Variants in TGFB2 observed in about 807,000 individuals in gnomAD.
The protein encoded by TGFB2 is transforming growth factor beta-2 proprotein.
Under a neutral mutation model 42.7 loss-of-function variants are expected in TGFB2, and 13 were observed. The ratio of observed to expected loss-of-function variants is 0.30; its 90% CI spans 0.20 to 0.48. The LOEUF (loss-of-function observed/expected upper bound fraction) is 0.48, where lower values mean the gene tolerates loss of function less well. Among genes scored for constraint, TGFB2 ranks in the 20% least tolerant of loss-of-function variants. The pLI, the probability that TGFB2 is intolerant of heterozygous loss-of-function variation, is 0.99. For synonymous variants in TGFB2, 193 were observed against 193.6 expected (o/e 1.00, Z 0.03); for missense variants, 390 against 517.5 (o/e 0.75, Z 2.39).
At chr1:218,388,327 GC>G (rs148587818) in intron 1 of TGFB2, among the ~76,000 whole-genome samples, 7,672 of 152,146 alleles carry the variant, frequency 0.05, 292 homozygotes, top group African/African-American at 0.1. Flanking sequence ...GTCACAGTTG[GC>G]CCCCCCACAT....
At chr1:218,356,583 C>T (rs1571830697) in intron 1 of TGFB2, among the ~76,000 whole-genome samples, 1 of 152,194 alleles carries the variant, frequency 6.6e-6, no homozygotes, top group Non-Finnish European at 1.5e-5. Flanking sequence ...ATAGTACTTG[C>T]CTCTTTATTT....
chr1:218,416,389 T>C (rs1659281527), intron 2 of TGFB2, among the ~76,000 whole-genome samples: 1 of 152,116 alleles, frequency 6.6e-6, no homozygotes, highest in Non-Finnish European at 1.5e-5. Flanking sequence ...GTTTTTTTTC[T>C]CAATGCCAAC....
intron 2 of TGFB2, among the ~76,000 whole-genome samples, chr1:218,428,439 G>A (rs543559453): frequency 8.9e-4 from 136 of 152,204 alleles, no homozygotes; most frequent in African/African-American, 3.2e-3. Context: ...GTATTGCCTG[G>A]GTTTTCTTCT....
intron 6 of TGFB2, among the ~76,000 whole-genome samples, chr1:218,438,670 C>T (rs10482827): frequency 0.011 from 1,628 of 151,968 alleles, 13 homozygotes; most frequent in Non-Finnish European, 0.017. Context: ...GAAGGTAATT[C>T]CCAGATTGGA....
chr1:218,390,690 G>A (rs1658292139), intron 1 of TGFB2, among the ~76,000 whole-genome samples: 1 of 152,120 alleles, frequency 6.6e-6, no homozygotes, highest in African/African-American at 2.4e-5. Context: ...CACAAACAGT[G>A]GCCCAACCTT....
chr1:218,439,973 G>A (rs1197253949), intron 6 of TGFB2, among the ~76,000 whole-genome samples: 1 of 152,158 alleles, frequency 6.6e-6, no homozygotes, highest in South Asian at 2.1e-4. Flanking sequence ...TCGAGGAAAA[G>A]GTCACTTGCT....
chr1:218,390,895 A>G (rs771399663), intron 1 of TGFB2, among the ~76,000 whole-genome samples: 1 of 152,170 alleles, frequency 6.6e-6, no homozygotes, highest in Non-Finnish European at 1.5e-5. Context: ...CACACCCTTA[A>G]TGAATACATC....
At chr1:218,398,077 G>A (rs939132396) in intron 1 of TGFB2, among the ~76,000 whole-genome samples, 4 of 152,116 alleles carry the variant, frequency 2.6e-5, no homozygotes, top group African/African-American at 9.7e-5. Flanking sequence ...TCTTTTCCCC[G>A]GACTTTATCA....
intron 1 of TGFB2, among the ~76,000 whole-genome samples, chr1:218,385,966 A>T (rs1658121863): frequency 6.6e-6 from 1 of 152,076 alleles, no homozygotes; most frequent in Non-Finnish European, 1.5e-5. Flanking sequence ...TTTAAAGGTC[A>T]TCTAGTTCTG....
Position 218,359,654 on chromosome 1 carries a change from C to T in TGFB2, c.346+12607C>T, listed in dbSNP as rs79500856. 2.7e-3 allele frequency among the ~76,000 whole-genome samples: 411 copies of T among 152,290 alleles called. 3 individuals are homozygous for T. Among genetic ancestry groups the T allele is most frequent in the African/African-American group, 9.6e-3 (397 of 41,570 alleles). On this transcript the variant is annotated intron_variant, in intron 1 of 6. Transcript: ENST00000366930. Reference sequence around the variant, plus strand: ...TGTTATACATTTGGATCAGTTTTCCCTTTCTTGCTGAGAATTCTCTAAGAA... The same window carrying T: ...TGTTATACATTTGGATCAGTTTTCCTTTTCTTGCTGAGAATTCTCTAAGAA...
At chr1:218,395,904 G>A (rs573615347) in intron 1 of TGFB2, among the ~76,000 whole-genome samples, 10 of 152,274 alleles carry the variant, frequency 6.6e-5, no homozygotes, top group South Asian at 4.1e-4. Context: ...GTGAGCCACC[G>A]CGCCAGGCCT....
chr1:218,389,030 T>C (rs1425971488), intron 1 of TGFB2, among the ~76,000 whole-genome samples: 8 of 152,106 alleles, frequency 5.3e-5, no homozygotes, highest in Admixed American at 3.3e-4. Context: ...AAGATGAGCG[T>C]TGGATTAGCA....
chr1:218,441,410 G>A lies in TGFB2; in HGVS notation c.*48G>A, dbSNP rs1453130484. 4 of 1,551,798 alleles carry A rather than the reference G, an allele frequency of 2.6e-6. No individual in the cohort carries two copies. The highest frequency in any genetic ancestry group is 4.0e-5 in the Admixed American group (2 of 49,814). On this transcript the variant is annotated 3_prime_UTR_variant, in exon 7 of 7. Coordinates refer to ENST00000366930, the MANE Select transcript of TGFB2 (RefSeq NM_003238.6). The stretch of plus-strand genomic sequence containing the variant: ...CCAAAATGACAATGATGATGATAAT[G>A]ATGATGACGACGACAACGATGATGC...
At chr1:218,440,326 G>A (rs1462082488) in intron 6 of TGFB2, among the ~76,000 whole-genome samples, 1 of 147,686 alleles carries the variant, frequency 6.8e-6, no homozygotes, top group African/African-American at 2.5e-5. Context: ...TGTTTATGAA[G>A]CAATGGTAAA....
At chr1:218,382,544 A>G (rs180930742) in intron 1 of TGFB2, among the ~76,000 whole-genome samples, 1 of 152,222 alleles carries the variant, frequency 6.6e-6, no homozygotes, top group African/African-American at 2.4e-5. Flanking sequence ...GCAGTTGATC[A>G]TACTTCTGAA....
chr1:218,378,761 C>T (rs1657844715), intron 1 of TGFB2, among the ~76,000 whole-genome samples: 1 of 92,634 alleles, frequency 1.1e-5, no homozygotes, highest in Admixed American at 1.2e-4. Context: ...GGTGCTACAC[C>T]ACACCCGGCC....
chr1:218,406,099 C>A (rs1268153887), intron 2 of TGFB2, among the ~76,000 whole-genome samples: 1 of 151,070 alleles, frequency 6.6e-6, no homozygotes, highest in African/African-American at 2.4e-5. Flanking sequence ...TCACTTTTTT[C>A]TCCTCTCTTT....
chr1:218,438,403 T>C (rs550554972), intron 6 of TGFB2, among the ~76,000 whole-genome samples: 8 of 152,330 alleles, frequency 5.3e-5, no homozygotes, highest in Admixed American at 3.9e-4. Context: ...AAATACACTA[T>C]CAATTTACTA....
chr1:218,350,357 G>T (rs1656831622), intron 1 of TGFB2, among the ~76,000 whole-genome samples: 1 of 152,102 alleles, frequency 6.6e-6, no homozygotes, highest in South Asian at 2.1e-4. Flanking sequence ...GACACTTTGG[G>T]TTGTCATGAC....
Sources: gnomAD v4.1 joint callset for allele counts (sites outside exome capture counted in the v4.1 genomes callset) on GRCh38, gnomAD v4.1.1 for gene constraint, MANE v1.5 for transcripts, NCBI Gene and HGNC (gene_info 2026-07-23, HGNC 2026-07-21) for gene names.